Variants in FGF14 observed in about 807,000 individuals in gnomAD.
FGF14 encodes the protein fibroblast growth factor homologous factor 4.
FGF14 carries 5 observed loss-of-function variants against 25.5 expected under a neutral mutation model. That is an observed-to-expected ratio of 0.20 (90% CI 0.10 to 0.41). The LOEUF (loss-of-function observed/expected upper bound fraction) is 0.41, where lower values mean the gene tolerates loss of function less well. Ranked by LOEUF, FGF14 falls within the 10% of genes least tolerant of loss-of-function variation. The pLI is 1.00. For missense variants in FGF14, 222 were observed against 320.1 expected (o/e 0.69, Z 2.34); for synonymous variants, 138 against 118.3 (o/e 1.17, Z -1.08).
At chr13:101,812,641 A>G (rs1566931399) in intron 3 of FGF14, among the ~76,000 whole-genome samples, 1 of 10,856 alleles carries the variant, frequency 9.2e-5, no homozygotes, top group African/African-American at 2.9e-4. Flanking sequence ...ATATATATAT[A>G]TATATATATA....
chr13:102,009,401 A>G (rs1431249440), intron 1 of FGF14, among the ~76,000 whole-genome samples: 1 of 152,110 alleles, frequency 6.6e-6, no homozygotes, highest in Non-Finnish European at 1.5e-5. Context: ...ATTGGTTGGA[A>G]ATAGTTTTTT....
intron 3 of FGF14, among the ~76,000 whole-genome samples, chr13:101,770,237 G>A (rs546980494): frequency 9.2e-5 from 14 of 152,110 alleles, no homozygotes; most frequent in African/African-American, 3.1e-4. Flanking sequence ...TGTAATTTTT[G>A]TACAAACCAT....
Position 102,359,106 on chromosome 13 carries a change from G to A in FGF14, c.208+42365C>T, listed in dbSNP as rs189226252. Among the ~76,000 whole-genome samples the A allele has an allele frequency of 2.6e-4, 40 of 152,202 alleles. No homozygotes were observed. The East Asian group carries it at 6.6e-3, about 25-fold the overall frequency. On this transcript the variant is annotated intron_variant, in intron 1 of 4. Coordinates refer to the FGF14 transcript ENST00000376131. ...CACAGCATGTTCTCACTTGTAAGTG[G>A]GAACTGAACAATGAGAACACATTGG...
At chr13:102,153,712 G>T (rs951253035) in intron 1 of FGF14, among the ~76,000 whole-genome samples, 2 of 151,906 alleles carry the variant, frequency 1.3e-5, no homozygotes, top group African/African-American at 4.8e-5. Flanking sequence ...CTCCCTCCTT[G>T]CCTTCCCAGC....
At chr13:102,054,419 C>T (rs1356656522) in intron 1 of FGF14, among the ~76,000 whole-genome samples, 3 of 152,148 alleles carry the variant, frequency 2.0e-5, no homozygotes, top group Middle Eastern at 3.4e-3. Context: ...GAAGATAGTC[C>T]CATACCACTG....
chr13:102,205,403 A>G (rs1185205237), intron 1 of FGF14, among the ~76,000 whole-genome samples: 3 of 152,228 alleles, frequency 2.0e-5, no homozygotes, highest in Admixed American at 2.0e-4. Flanking sequence ...TAGTCAATAT[A>G]TAATAATTGG....
chr13:102,202,033 G>A (rs1454324387), intron 1 of FGF14, among the ~76,000 whole-genome samples: 2 of 152,106 alleles, frequency 1.3e-5, no homozygotes, highest in Admixed American at 1.3e-4. Flanking sequence ...GTTTAAAAGT[G>A]TGTGGCACCT....
Position 101,774,208 on chromosome 13 carries a change from CTATTT to C in FGF14, c.409-47403_409-47399del, listed in dbSNP as rs966829394. 1.0e-3 allele frequency among the ~76,000 whole-genome samples: 154 copies of C among 152,182 alleles called. 1 individual carries two copies. The highest frequency in any genetic ancestry group is 3.6e-3 in the African/African-American group (151 of 41,538). On this transcript the variant is annotated intron_variant, in intron 3 of 4. Transcript: ENST00000376143. ...GAGCTGTCTCCAAATATTTGAAGAA[CTATTT>C]TATTTAAGGGATTGGACCCATTTTT... is the stretch of plus-strand genomic sequence containing the variant.
intron 1 of FGF14, among the ~76,000 whole-genome samples, chr13:101,972,999 G>A (rs2037699133): frequency 6.6e-6 from 1 of 152,100 alleles, no homozygotes; most frequent in Admixed American, 6.5e-5. Flanking sequence ...TTGTTGACTT[G>A]CTCGGTGGAT....
intron 1 of FGF14, among the ~76,000 whole-genome samples, chr13:101,916,099 G>T (rs1002298474): frequency 1.3e-5 from 2 of 152,232 alleles, no homozygotes; most frequent in Non-Finnish European, 2.9e-5. Flanking sequence ...GACCCCGGGT[G>T]TGGCAGGAAG....
intron 1 of FGF14, among the ~76,000 whole-genome samples, chr13:102,280,753 T>TAACA (rs573083595): frequency 2.6e-5 from 4 of 152,114 alleles, no homozygotes; most frequent in African/African-American, 4.8e-5. Flanking sequence ...AGCTAAGATT[T>TAACA]AACAAACAAA....
chr13:102,086,497 T>A (rs1460151280), intron 1 of FGF14, among the ~76,000 whole-genome samples: 1 of 152,052 alleles, frequency 6.6e-6, no homozygotes, highest in Non-Finnish European at 1.5e-5. Flanking sequence ...GCCACTGCAC[T>A]CCATCCTGGG....
At chr13:102,176,253 T>C (rs2048445150) in intron 1 of FGF14, among the ~76,000 whole-genome samples, 1 of 152,090 alleles carries the variant, frequency 6.6e-6, no homozygotes, top group Non-Finnish European at 1.5e-5. Flanking sequence ...AAGAATGAAA[T>C]CATGTCTTTT....
At chr13:102,238,628 T>C (rs926749530) in intron 1 of FGF14, among the ~76,000 whole-genome samples, 12 of 152,230 alleles carry the variant, frequency 7.9e-5, no homozygotes, top group African/African-American at 2.9e-4. Flanking sequence ...TCACGAGAAG[T>C]ATTTCCATGT....
intron 4 of FGF14, among the ~76,000 whole-genome samples, chr13:101,723,799 A>G (rs1252215153): frequency 1.3e-5 from 2 of 149,578 alleles, no homozygotes; most frequent in Admixed American, 1.4e-4. Flanking sequence ...CTGAGAAAGG[A>G]CATATAAGAG....
intron 1 of FGF14, among the ~76,000 whole-genome samples, chr13:102,095,212 GA>G (rs1052361218): frequency 2.6e-5 from 4 of 152,128 alleles, no homozygotes; most frequent in East Asian, 1.9e-4. Flanking sequence ...GGATATTGGG[GA>G]AAAAAAGTCA....
intron 1 of FGF14, among the ~76,000 whole-genome samples, chr13:102,320,594 G>A (rs1029446943): frequency 1.3e-5 from 2 of 152,140 alleles, no homozygotes; most frequent in Non-Finnish European, 2.9e-5. Flanking sequence ...AAAGGAAAGG[G>A]ATCTGGTTTG....
chr13:102,020,206 T>C (rs552376767), intron 1 of FGF14, among the ~76,000 whole-genome samples: 2 of 152,094 alleles, frequency 1.3e-5, no homozygotes, highest in South Asian at 4.2e-4. Flanking sequence ...TGCAGAAATG[T>C]CTAAGTTTAT....
chr13:102,064,259 A>G (rs2140118798), intron 1 of FGF14, among the ~76,000 whole-genome samples: 1 of 152,176 alleles, frequency 6.6e-6, no homozygotes, highest in South Asian at 2.1e-4. Flanking sequence ...CTTCACAGAA[A>G]AAATTACTGC....
Sources: allele counts gnomAD v4.1 joint callset (sites outside exome capture counted in the v4.1 genomes callset), GRCh38; gene constraint gnomAD v4.1.1; transcripts MANE v1.5; gene names NCBI Gene and HGNC (gene_info 2026-07-23, HGNC 2026-07-21).